Variants in TERT observed in about 807,000 individuals in gnomAD.
TERT encodes the protein telomerase reverse transcriptase.
TERT carries 42 observed loss-of-function variants against 104.0 expected under a neutral mutation model. That is an observed-to-expected ratio of 0.40 (90% CI 0.32 to 0.52). The LOEUF is 0.52. Ranked by LOEUF, TERT falls within the 20% of genes least tolerant of loss-of-function variation. TERT has a pLI of 0.43. For synonymous variants in TERT, 781 were observed against 725.6 expected (o/e 1.08, Z -1.23); for missense variants, 1,101 against 1,610.3 (o/e 0.68, Z 5.41).
intron 6 of TERT, among the ~76,000 whole-genome samples, chr5:1,272,585 CTA>C (rs1423731867): frequency 5.1e-5 from 2 of 38,912 alleles, no homozygotes; most frequent in Non-Finnish European, 5.4e-5. Context: ...ACATCAGACC[CTA>C]CGACCGCCAT....
At position 1,293,560 on chromosome 5, in the gene TERT, G is replaced by GTCC. The variant is rs377639087; in HGVS notation, c.1323_1325dup (p.Glu441dup). ...GCTGCACCAGGCGACGGGGGTCTGT[G>GTCC]TCCTCCTCCTCGGGGGCCGCCACAG... On this transcript the variant is annotated inframe_insertion, in exon 2 of 16. Transcript: ENST00000310581. 1.3e-6 allele frequency: 2 copies of GTCC among 1,547,430 alleles called. No individual in the cohort carries two copies. The highest frequency in any genetic ancestry group is 8.7e-7 in the Non-Finnish European group (1 of 1,144,530).
rs775070951 is a variant in TERT at position 1,272,283 on chromosome 5, G to A, written c.2287-3C>T. On this transcript the variant is annotated splice_region_variant and splice_polypyrimidine_tract_variant and intron_variant, in intron 6 of 15. Transcript: ENST00000310581. ...TGGAGGTCTGTCAAGGTAGAGACCT[G>A]CCGGCAGAGGAGAGGGCATGAGCCA... 2 of 1,609,258 alleles carry A rather than the reference G, an allele frequency of 1.2e-6. No homozygotes were observed. Among genetic ancestry groups the A allele is most frequent in the South Asian group, 1.1e-5 (1 of 90,292 alleles).
rs377436842 is a variant in TERT, at chr5:1,279,330, C to T, written c.2091G>A (p.Val697=). The part of the protein sequence containing the change: ...HRAWRTFVLR[V]RAQDPPPELY... ...GCTCAGGCGGCGGGTCCTGGGCCCG[C>T]ACACGCAGCACGAAGGTGCGCCAGG... Residue 697 remains valine, a synonymous_variant, in exon 5 of 16, where the codon GTG becomes GTA. Transcript: ENST00000310581. 40 of 1,585,526 alleles carry T rather than the reference C, an allele frequency of 2.5e-5. No individual in the cohort carries two copies. Among genetic ancestry groups the T allele is most frequent in the Middle Eastern group, 4.5e-4 (2 of 4,492 alleles).
chr5:1,262,505 G>A lies in TERT; in HGVS notation c.2843+1899C>T, dbSNP rs1748303547. Among the ~76,000 whole-genome samples the A allele has an allele frequency of 6.6e-6, 1 of 152,178 alleles. No homozygotes were observed. The highest frequency in any genetic ancestry group is 1.5e-5 in the Non-Finnish European group (1 of 68,044). On this transcript the variant is annotated intron_variant, in intron 11 of 15. Transcript: ENST00000310581. The surrounding 1 kb of genome is among the most constrained non-coding windows in gnomAD (Gnocchi z 5.6). ...TCTCCCAGATGCCCTTCAAGCCTCT[G>A]CTGTATACTTCAGACACAGAGGATG...
Position 1,253,518 on chromosome 5 carries a change from A to G in TERT, c.*210T>C. The G allele has an allele frequency of 3.3e-6, 2 of 606,556 alleles. No homozygotes were observed. Among genetic ancestry groups the G allele is most frequent in the Non-Finnish European group, 5.9e-6 (2 of 338,944 alleles). The allele number at this position is 606,556 out of a possible 1,614,324, so 37.6% of individuals were successfully genotyped here. A position where few individuals can be genotyped will look rare whatever the true frequency, so the allele number is the denominator to read the frequency against. On this transcript the variant is annotated 3_prime_UTR_variant, in exon 16 of 16. Transcript: ENST00000310581. ...AGTGAAGACGGCAGGTGTGCTGGAC[A>G]CTCAGCCCTTGGCTGGACACTCGCT...
intron 6 of TERT, among the ~76,000 whole-genome samples, chr5:1,272,570 T>C (rs1561197986): frequency 6.0e-5 from 2 of 33,348 alleles, no homozygotes; most frequent in Non-Finnish European, 6.4e-5. Context: ...CCATCCACAG[T>C]CACCACATCA....
In TERT at chr5:1,253,694, G is replaced by A; in HGVS notation, c.*34C>T. The A allele has an allele frequency of 2.5e-6, 4 of 1,572,218 alleles. No homozygotes were observed. The highest frequency in any genetic ancestry group is 1.1e-5 in the South Asian group (1 of 87,564). On this transcript the variant is annotated 3_prime_UTR_variant, in exon 16 of 16. Transcript: ENST00000310581. Reference sequence around the variant, plus strand: ...AGCCCGGCGTGACAGGGCTGCTGGTGTCTGCTCTCGGCCTGGCTGTGGGCG... The same window carrying A: ...AGCCCGGCGTGACAGGGCTGCTGGTATCTGCTCTCGGCCTGGCTGTGGGCG...
chr5:1,287,125 T>G lies in TERT; in HGVS notation c.1574-4501A>C, dbSNP rs374144591. On this transcript the variant is annotated intron_variant, in intron 2 of 15. Transcript: ENST00000310581. The surrounding 1 kb of genome is among the most constrained non-coding windows in gnomAD (Gnocchi z 4.3). Reference sequence around the variant, plus strand: ...AATGAAAATAAATCAGGTTATCCAGTTAAACAACGACTGTCAGACTGGATT... The same window carrying G: ...AATGAAAATAAATCAGGTTATCCAGGTAAACAACGACTGTCAGACTGGATT... Among the ~76,000 whole-genome samples, 1 of 152,230 alleles carries G rather than the reference T, an allele frequency of 6.6e-6. No individual in the cohort carries two copies. Among genetic ancestry groups the G allele is most frequent in the South Asian group, 2.1e-4 (1 of 4,812 alleles).
chr5:1,261,771 G>A lies in TERT; in HGVS notation c.2844-1171C>T, dbSNP rs926532629. Among the ~76,000 whole-genome samples the A allele has an allele frequency of 6.6e-5, 10 of 152,152 alleles. No individual in the cohort carries two copies. Among genetic ancestry groups the A allele is most frequent in the Admixed American group, 1.3e-4 (2 of 15,278 alleles). ...GGCTCCGGCTCACCCTGAGCCTATG[G>A]GTCTGACTTGTGTGGGGTCCTCGGG... On this transcript the variant is annotated intron_variant, in intron 11 of 15. Transcript: ENST00000310581. This position sits in a 1 kb window ranked among gnomAD's most constrained non-coding sequence, Gnocchi z 7.4.
At chr5:1,267,049 C>G (rs1055457543) in intron 9 of TERT, among the ~76,000 whole-genome samples, 1 of 152,214 alleles carries the variant, frequency 6.6e-6, no homozygotes, top group Admixed American at 6.5e-5. Context: ...AGAGGGCTGA[C>G]CAGTGTGCCG....
intron 9 of TERT, among the ~76,000 whole-genome samples, chr5:1,267,871 T>G (rs1030710857): frequency 6.6e-6 from 1 of 151,976 alleles, no homozygotes; most frequent in African/African-American, 2.4e-5. Flanking sequence ...CATTAGGAGA[T>G]ATACCTAATG....
rs905609370 is a variant in TERT at position 1,270,144 on chromosome 5, C to T, written c.2468+975G>A. On this transcript the variant is annotated intron_variant, in intron 8 of 15. Coordinates refer to ENST00000310581, the MANE Select transcript of TERT (RefSeq NM_198253.3). This position sits in a 1 kb window ranked among gnomAD's most constrained non-coding sequence, Gnocchi z 8.3. ...CCTCGGCCAAAATTCACTCTGCTGCCATGTGCAATTTGTGTTTTTCCAGAA... is the reference window on the plus strand; with the variant it reads ...CCTCGGCCAAAATTCACTCTGCTGCTATGTGCAATTTGTGTTTTTCCAGAA... Among the ~76,000 whole-genome samples the T allele has an allele frequency of 6.6e-6, 1 of 152,180 alleles. No individual in the cohort carries two copies. Among genetic ancestry groups the T allele is most frequent in the Non-Finnish European group, 1.5e-5 (1 of 68,050 alleles).
Position 1,255,517 on chromosome 5 carries a change from T to C in TERT, c.3033-106A>G. ...GCCTGTGTGCGTGCATGAATGCACA[T>C]GCATGGGTTTCCTCATGGGCACAGG... On this transcript the variant is annotated intron_variant, in intron 13 of 15. Transcript: ENST00000310581. This position sits in a 1 kb window ranked among gnomAD's most constrained non-coding sequence, Gnocchi z 6.9. 7.2e-7 allele frequency: 1 copy of C among 1,394,048 alleles called. No individual in the cohort carries two copies. Among genetic ancestry groups the C allele is most frequent in the Non-Finnish European group, 1.0e-6 (1 of 989,502 alleles). 86.4% of individuals were successfully genotyped at this position (1,394,048 alleles called of 1,614,324 possible).
Position 1,256,836 on chromosome 5 carries a change from T to C in TERT, c.3033-1425A>G, listed in dbSNP as rs892372826. Among the ~76,000 whole-genome samples the C allele has an allele frequency of 3.9e-5, 6 of 152,098 alleles. No homozygotes were observed. Among genetic ancestry groups the C allele is most frequent in the African/African-American group, 1.2e-4 (5 of 41,418 alleles). ...AGGGGCTCTCTTCCAAAGGGAGAAA[T>C]AGCCACCTGCTAGAGGTCGGGGCGT... On this transcript the variant is annotated intron_variant, in intron 13 of 15. Transcript: ENST00000310581. The surrounding 1 kb of genome is among the most constrained non-coding windows in gnomAD (Gnocchi z 7.0).
intron 9 of TERT, among the ~76,000 whole-genome samples, 176 bp from the exon 10 acceptor site, chr5:1,266,711 G>T (rs1561194233): frequency 6.6e-6 from 1 of 152,330 alleles, no homozygotes; most frequent in East Asian, 1.9e-4. Context: ...ACAGTTAACT[G>T]CTACAGCAAT....
In TERT at chr5:1,295,044, C is replaced by A; in HGVS notation, c.-55G>T. 8.4e-7 allele frequency: 1 copy of A among 1,193,648 alleles called. No individual in the cohort carries two copies. Among genetic ancestry groups the A allele is most frequent in the Non-Finnish European group, 1.1e-6 (1 of 943,920 alleles). 73.9% of individuals were successfully genotyped at this position (1,193,648 alleles called of 1,614,324 possible). On this transcript the variant is annotated 5_prime_UTR_variant, in exon 1 of 16. Transcript: ENST00000310581. ...ACGTGCGCAGCAGGACGCAGCGCTG[C>A]CTGAAACTCGCGCCGCGAGGAGAGG... is the stretch of plus-strand genomic sequence containing the variant.
Position 1,286,511 on chromosome 5 carries a change from T to C in TERT, c.1574-3887A>G, listed in dbSNP as rs1579586530. Among the ~76,000 whole-genome samples the C allele has an allele frequency of 6.6e-6, 1 of 151,884 alleles. No homozygotes were observed. The highest frequency in any genetic ancestry group is 1.9e-4 in the East Asian group (1 of 5,164). On this transcript the variant is annotated intron_variant, in intron 2 of 15. Coordinates refer to ENST00000310581, the MANE Select transcript of TERT (RefSeq NM_198253.3). This position sits in a 1 kb window ranked among gnomAD's most constrained non-coding sequence, Gnocchi z 5.3. ...GGAAAACAGCACACAGGCTGGGGGG[T>C]GGCCAGAGCTAAAATACACTAAGGG...
chr5:1,282,425 G>C lies in TERT; in HGVS notation c.1769+4C>G. 1 of 1,613,876 alleles carries C rather than the reference G, an allele frequency of 6.2e-7. No homozygotes were observed. The highest frequency in any genetic ancestry group is 8.5e-7 in the Non-Finnish European group (1 of 1,179,968). On this transcript the variant is annotated splice_donor_region_variant and intron_variant, in intron 3 of 15. Coordinates refer to ENST00000310581, the MANE Select transcript of TERT (RefSeq NM_198253.3). ...AGCAGAGGCCTGGCGTGGGGATACA[G>C]TACCTGATTCCAATGCTTTGCAACT...
chr5:1,285,565 ATTTTTTTTTTTT>A (rs1170336173), intron 2 of TERT, among the ~76,000 whole-genome samples: 2 of 82,184 alleles, frequency 2.4e-5, no homozygotes, highest in South Asian at 9.9e-4. Context: ...GGCTACTAGA[ATTTTTTTTTTTT>A]TTTTTTTTTT....
Sources: gnomAD v4.1 joint callset for allele counts (sites outside exome capture counted in the v4.1 genomes callset) on GRCh38, gnomAD v4.1.1 for gene constraint, Gnocchi (gnomAD v3.1) non-coding constraint, MANE v1.5 for transcripts, NCBI Gene and HGNC (gene_info 2026-07-23, HGNC 2026-07-21) for gene names.